The following PHACTR1 variants were observed in gnomAD, a reference collection of about 807,000 sequenced individuals.
The protein encoded by PHACTR1 is RPEL repeat containing 1.
A neutral mutation model predicts 69.2 loss-of-function variants in PHACTR1; 16 were observed. The observed-to-expected ratio is 0.23, with a 90% CI of 0.16 to 0.35. The LOEUF (loss-of-function observed/expected upper bound fraction) is 0.35, where lower values mean the gene tolerates loss of function less well. Among genes scored for constraint, PHACTR1 ranks in the 10% least tolerant of loss-of-function variants. The pLI is 1.00. For missense variants in PHACTR1, 510 were observed against 734.7 expected, an observed-to-expected ratio of 0.69 and a Z score of 3.54; for synonymous variants, 312 against 284.5, an observed-to-expected ratio of 1.10 and a Z score of -0.97.
At chr6:12,929,562 G>A (rs889812129) in intron 4 of PHACTR1, among the ~76,000 whole-genome samples, 1 of 152,170 alleles carries the variant, frequency 6.6e-6, no homozygotes, top group African/African-American at 2.4e-5. Flanking sequence ...TTAATCCAAG[G>A]AAGACACAAC....
intron 4 of PHACTR1, among the ~76,000 whole-genome samples, chr6:12,880,258 A>ACTC (rs1286043928): frequency 2.2e-5 from 3 of 137,428 alleles, no homozygotes; most frequent in African/African-American, 8.3e-5. Context: ...ACAGGATCTC[A>ACTC]CTCTGTCACT....
chr6:12,878,478 G>C (rs2127451240), intron 4 of PHACTR1, among the ~76,000 whole-genome samples: 1 of 152,330 alleles, frequency 6.6e-6, no homozygotes, highest in South Asian at 2.1e-4. Flanking sequence ...CCAAGTGACT[G>C]TAGAGTCAGA....
chr6:12,885,727 G>A lies in PHACTR1; in HGVS notation c.250+135937G>A, dbSNP rs74838118. ...CACCCTTACAAACGTGGAAATCAAG[G>A]GGGCAGTTCTCATCTGATGCTAGCG... On this transcript the variant is annotated intron_variant, in intron 4 of 14. Transcript: ENST00000332995. Among the ~76,000 whole-genome samples, 209 of 152,292 alleles carry A rather than the reference G, an allele frequency of 1.4e-3. 2 individuals carry two copies. In the East Asian group the frequency reaches 0.025, roughly 18 times the overall value.
chr6:13,191,494 A>T (rs961485584), intron 7 of PHACTR1, among the ~76,000 whole-genome samples: 2 of 152,224 alleles, frequency 1.3e-5, no homozygotes, highest in African/African-American at 4.8e-5. Flanking sequence ...AAGGCAAAGC[A>T]GGGCAGACAG....
rs1274327987 is a variant in PHACTR1, at chr6:13,211,998, G to C, written c.986+5862G>C. 3.3e-5 allele frequency among the ~76,000 whole-genome samples: 5 copies of C among 152,212 alleles called. No homozygotes were observed. The East Asian group carries it at 5.8e-4, about 18-fold the overall frequency. ...CTGGACGCTAGAAGTCCGAGATCAA[G>C]GTGCCAACAGGGTTGGTTTCTCCTG... is the stretch of plus-strand genomic sequence containing the variant. On this transcript the variant is annotated intron_variant, in intron 8 of 14. Transcript: ENST00000332995.
chr6:12,757,884 G>A (rs1767528130), intron 4 of PHACTR1, among the ~76,000 whole-genome samples: 1 of 152,060 alleles, frequency 6.6e-6, no homozygotes, highest in African/African-American at 2.4e-5. Flanking sequence ...GGCCAAGGTG[G>A]GCGGATCACC....
chr6:13,258,935 A>C (rs973713601), intron 10 of PHACTR1, among the ~76,000 whole-genome samples: 1 of 152,230 alleles, frequency 6.6e-6, no homozygotes, highest in African/African-American at 2.4e-5. Flanking sequence ...TTTTATATAT[A>C]GCTCTAACTG....
At chr6:12,776,509 C>A (rs1228097948) in intron 4 of PHACTR1, among the ~76,000 whole-genome samples, 3 of 152,184 alleles carry the variant, frequency 2.0e-5, no homozygotes, top group Non-Finnish European at 4.4e-5. Context: ...CTTTGCAGAG[C>A]ATTCCACAGC....
Position 12,837,615 on chromosome 6 carries a change from A to C in PHACTR1, c.250+87825A>C, listed in dbSNP as rs113935983. 9.3e-3 allele frequency among the ~76,000 whole-genome samples: 1,417 copies of C among 151,630 alleles called. 17 individuals are homozygous for C. Among genetic ancestry groups the C allele is most frequent in the African/African-American group, 0.032 (1,340 of 41,528 alleles). ...ACAGTTTACCTAAATGAGACAAACA[A>C]ACCACAAAAATCTCTTTTTCTCTAT... On this transcript the variant is annotated intron_variant, in intron 4 of 14. Transcript: ENST00000332995.
intron 4 of PHACTR1, among the ~76,000 whole-genome samples, chr6:13,050,154 A>G (rs1156360456): frequency 7.2e-5 from 11 of 152,224 alleles, no homozygotes; most frequent in Admixed American, 5.9e-4. Flanking sequence ...AGAAGCACCA[A>G]TTCAAGCAGC....
At chr6:13,020,791 C>T (rs1172974911) in intron 4 of PHACTR1, among the ~76,000 whole-genome samples, 4 of 152,038 alleles carry the variant, frequency 2.6e-5, no homozygotes, top group East Asian at 3.9e-4. Flanking sequence ...TGTACATGTT[C>T]GTTTATTATG....
intron 3 of PHACTR1, among the ~76,000 whole-genome samples, chr6:12,749,167 C>T (rs1005376819): frequency 6.6e-6 from 1 of 152,224 alleles, no homozygotes; most frequent in African/African-American, 2.4e-5. Context: ...TGAAGGAGAC[C>T]GTAGTGTGCA....
intron 7 of PHACTR1, among the ~76,000 whole-genome samples, chr6:13,201,357 A>G (rs1765207828): frequency 1.3e-5 from 2 of 152,326 alleles, no homozygotes; most frequent in South Asian, 4.1e-4. Context: ...GGAGGTGAGT[A>G]CAGCAAAGGC....
chr6:12,959,344 C>A (rs576609346), intron 4 of PHACTR1, among the ~76,000 whole-genome samples: 1 of 152,158 alleles, frequency 6.6e-6, no homozygotes, highest in South Asian at 2.1e-4. Flanking sequence ...ATTTGGGAAG[C>A]AAAAAGACTG....
intron 4 of PHACTR1, among the ~76,000 whole-genome samples, chr6:12,777,274 C>T (rs566384759): frequency 2.4e-4 from 36 of 149,656 alleles, no homozygotes; most frequent in African/African-American, 8.1e-4. Context: ...TTCAGGGGTA[C>T]GTGTGCAGGT....
chr6:13,055,404 G>A (rs989484034), intron 5 of PHACTR1, among the ~76,000 whole-genome samples: 2 of 151,898 alleles, frequency 1.3e-5, no homozygotes, highest in African/African-American at 4.8e-5. Flanking sequence ...GACAGAAAAG[G>A]GTACTTAGGT....
intron 4 of PHACTR1, among the ~76,000 whole-genome samples, chr6:12,995,326 T>G (rs761654404): frequency 6.7e-6 from 1 of 148,304 alleles, no homozygotes; most frequent in Non-Finnish European, 1.5e-5. Context: ...CAGTCAGAGA[T>G]CAAGAGGTGC....
intron 5 of PHACTR1, among the ~76,000 whole-genome samples, chr6:13,142,603 T>G (rs1223527): frequency 0.19 from 28,598 of 152,138 alleles, 3,123 homozygotes; most frequent in South Asian, 0.41. Context: ...GGGTCCAATT[T>G]CATTATTTTG....
chr6:13,228,127 A>G, intron 9 of PHACTR1, 64 bp downstream of exon 9: 1 of 1,538,238 alleles, frequency 6.5e-7, no homozygotes, highest in Non-Finnish European at 8.7e-7. Context: ...GACAGCAGAG[A>G]GTGGACCCAG....
Sources: allele counts gnomAD v4.1 joint callset (sites outside exome capture counted in the v4.1 genomes callset), GRCh38; gene constraint gnomAD v4.1.1; transcripts MANE v1.5; gene names NCBI Gene and HGNC (gene_info 2026-07-23, HGNC 2026-07-21).